The following DNAL1 variants were observed in gnomAD, a reference collection of about 807,000 sequenced individuals.
The protein encoded by DNAL1 is chromosome 14 open reading frame 168.
DNAL1 carries 17 observed loss-of-function variants against 29.4 expected under a neutral mutation model. That is an observed-to-expected ratio of 0.58 (90% CI 0.40 to 0.87). The LOEUF is 0.87. DNAL1 is among the 40% of genes least tolerant of loss of function. DNAL1 has a pLI of 0.00. For synonymous variants in DNAL1, 78 were observed against 76.3 expected (o/e 1.02, Z -0.12); for missense variants, 188 against 214.1 (o/e 0.88, Z 0.76).
At position 73,698,186 on chromosome 14, in the gene DNAL1, G is replaced by C. The variant is rs1892347195; in HGVS notation, c.*2244G>C. On this transcript the variant is annotated 3_prime_UTR_variant, in exon 8 of 8. Coordinates refer to ENST00000553645, the MANE Select transcript of DNAL1 (RefSeq NM_031427.4). Reference sequence around the variant, plus strand: ...TCTCAATGACTTTTAATTACAGGTAGTTCTCAGACAAATGTAAGATACTTT... The same window carrying C: ...TCTCAATGACTTTTAATTACAGGTACTTCTCAGACAAATGTAAGATACTTT... The C allele has an allele frequency of 6.6e-6, 1 of 152,154 alleles. No homozygotes were observed. 9.4% of individuals were successfully genotyped at this position (152,154 alleles called of 1,614,324 possible).
At chr14:73,691,348 G>A (rs150952550) in intron 7 of DNAL1, among the ~76,000 whole-genome samples, 16,392 of 152,010 alleles carry the variant, frequency 0.11, 1,031 homozygotes, top group Middle Eastern at 0.18. Context: ...TCAGGAGTTC[G>A]AGACCAGCCT....
chr14:73,683,883 G>A lies in DNAL1; in HGVS notation c.265-3376G>A, dbSNP rs144430792. On this transcript the variant is annotated intron_variant, in intron 5 of 7. Transcript: ENST00000553645. The stretch of plus-strand genomic sequence containing the variant: ...CCACCACACCTGGCTAATTTTATAT[G>A]TTTAGTAGAGACGGGGTTTCACCAT... Among the ~76,000 whole-genome samples the A allele has an allele frequency of 8.1e-3, 1,225 of 151,858 alleles. 24 individuals are homozygous for A. The highest frequency in any genetic ancestry group is 0.028 in the African/African-American group (1,161 of 41,424).
rs1891684904 is a variant in DNAL1, at chr14:73,674,494, CT to C, written c.264+2898del. The stretch of plus-strand genomic sequence containing the variant: ...CTTTACACCTCAGCTCAGATGTTGC[CT>C]CCTCAAAGGTGACCCAATCACCGTA... On this transcript the variant is annotated intron_variant, in intron 5 of 7. Transcript: ENST00000553645. Among the ~76,000 whole-genome samples, 3 of 152,078 alleles carry C rather than the reference CT, an allele frequency of 2.0e-5. No individual in the cohort carries two copies. In the South Asian group the frequency reaches 6.2e-4, roughly 32 times the overall value.
intron 3 of DNAL1, 137 bp from the exon 4 acceptor site, chr14:73,661,850 A>G: frequency 3.5e-6 from 2 of 574,716 alleles, no homozygotes; most frequent in African/African-American, 1.9e-5. Flanking sequence ...TGATTTCAAA[A>G]TGAAGTAATA....
At chr14:73,654,753 T>G in intron 1 of DNAL1, 94 bp from the exon 2 acceptor site, 1 of 1,206,194 alleles carries the variant, frequency 8.3e-7, no homozygotes, top group Non-Finnish European at 1.1e-6. Context: ...AGCAAGATTC[T>G]GTCTCAAAAT....
At chr14:73,655,725 A>AT (rs1891203051) in intron 2 of DNAL1, among the ~76,000 whole-genome samples, 1 of 152,116 alleles carries the variant, frequency 6.6e-6, no homozygotes, top group Non-Finnish European at 1.5e-5. Context: ...GTTGTGGATT[A>AT]TCTAGGCTTT....
rs114631408 is a variant in DNAL1, at chr14:73,668,376, G to A, written c.209-3166G>A. Among the ~76,000 whole-genome samples, 255 of 152,244 alleles carry A rather than the reference G, an allele frequency of 1.7e-3. 1 individual carries two copies. The highest frequency in any genetic ancestry group is 5.9e-3 in the African/African-American group (246 of 41,554). ...TTATGTGTTGAGTGAATAAGTTATC[G>A]AATAAGCGTTTAATTCTTCATGAAA... On this transcript the variant is annotated intron_variant, in intron 4 of 7. Coordinates refer to ENST00000553645, the MANE Select transcript of DNAL1 (RefSeq NM_031427.4).
intron 2 of DNAL1, among the ~76,000 whole-genome samples, chr14:73,657,686 C>G (rs528523818): frequency 1.3e-5 from 2 of 152,226 alleles, no homozygotes; most frequent in South Asian, 4.1e-4. Flanking sequence ...CTCTGCCTCC[C>G]GGGTTCAAGC....
intron 1 of DNAL1, among the ~76,000 whole-genome samples, chr14:73,647,763 C>T (rs116551009): frequency 6.6e-6 from 1 of 152,306 alleles, no homozygotes; most frequent in East Asian, 1.9e-4. Context: ...CAATAAACAG[C>T]TAGATGGCTT....
chr14:73,660,122 G>T (rs1381924067), intron 3 of DNAL1, among the ~76,000 whole-genome samples: 1 of 151,786 alleles, frequency 6.6e-6, no homozygotes, highest in Non-Finnish European at 1.5e-5. Context: ...TAGAGATGGG[G>T]TTTCACCATG....
chr14:73,652,633 A>G (rs1891136178), intron 1 of DNAL1, among the ~76,000 whole-genome samples: 1 of 151,992 alleles, frequency 6.6e-6, no homozygotes, highest in Non-Finnish European at 1.5e-5. Context: ...CTTGCCAGGG[A>G]TTTAAGAACC....
intron 1 of DNAL1, among the ~76,000 whole-genome samples, chr14:73,645,480 T>G (rs901805044): frequency 3.9e-5 from 6 of 152,188 alleles, no homozygotes; most frequent in Non-Finnish European, 8.8e-5. Flanking sequence ...TAACCTGTGA[T>G]GTACCCAGGT....
chr14:73,678,816 A>G (rs1891806704), intron 5 of DNAL1, among the ~76,000 whole-genome samples: 1 of 152,148 alleles, frequency 6.6e-6, no homozygotes, highest in African/African-American at 2.4e-5. Context: ...TTGAGGAAAA[A>G]CAATGAGGTG....
chr14:73,653,644 C>T (rs1471448247), intron 1 of DNAL1, among the ~76,000 whole-genome samples: 1 of 152,170 alleles, frequency 6.6e-6, no homozygotes, highest in Non-Finnish European at 1.5e-5. Flanking sequence ...AGATGTGAGA[C>T]ACTGTGCCTA....
At chr14:73,677,441 G>C (rs1388840609) in intron 5 of DNAL1, among the ~76,000 whole-genome samples, 1 of 151,724 alleles carries the variant, frequency 6.6e-6, no homozygotes. Context: ...GAGTAGCTGG[G>C]ACTACAGGCC....
intron 7 of DNAL1, 97 bp from the exon 8 acceptor site, chr14:73,695,805 A>G (rs1022213842): frequency 2.2e-5 from 22 of 978,408 alleles, no homozygotes; most frequent in Non-Finnish European, 3.2e-5. Context: ...CTGGGATTAC[A>G]GGCGTGAGCC....
rs1892435166 is a variant in DNAL1, at chr14:73,701,458, A to G, written c.*5516A>G. ...GTCGTCTTCCATGTCTGTTACATCC[A>G]AGATCATCCCTCTGGGGGATGTGTC... On this transcript the variant is annotated 3_prime_UTR_variant, in exon 8 of 8. Coordinates refer to ENST00000553645, the MANE Select transcript of DNAL1 (RefSeq NM_031427.4). 1 of 152,240 alleles carries G rather than the reference A, an allele frequency of 6.6e-6. No homozygotes were observed. Among genetic ancestry groups the G allele is most frequent in the Non-Finnish European group, 1.5e-5 (1 of 68,042 alleles). The allele number at this position is 152,240 out of a possible 1,614,324, so 9.4% of individuals were successfully genotyped here.
chr14:73,664,038 G>C (rs1447957898), intron 4 of DNAL1, among the ~76,000 whole-genome samples: 2 of 152,188 alleles, frequency 1.3e-5, no homozygotes, highest in East Asian at 3.9e-4. Context: ...TTCCCAGGGA[G>C]ACTACTGTGT....
chr14:73,649,483 C>T (rs369465354), intron 1 of DNAL1, among the ~76,000 whole-genome samples: 39,914 of 148,556 alleles, frequency 0.27, 5,783 homozygotes, highest in Non-Finnish European at 0.33. Context: ...GGGGTTTCAC[C>T]ATGATAGCCA....
Sources: gnomAD v4.1 joint callset for allele counts (sites outside exome capture counted in the v4.1 genomes callset) on GRCh38, gnomAD v4.1.1 for gene constraint, MANE v1.5 for transcripts, NCBI Gene and HGNC (gene_info 2026-07-23, HGNC 2026-07-21) for gene names.